The following SAMD5 variants were observed in gnomAD, a reference collection of about 807,000 sequenced individuals.
SAMD5 encodes sterile alpha motif domain-containing protein 5.
A neutral mutation model predicts 11.3 loss-of-function variants in SAMD5; 13 were observed. The observed-to-expected ratio is 1.15, with a 90% CI of 0.75 to 1.83. SAMD5 has a LOEUF of 1.83. Ranked by LOEUF, SAMD5 falls within the 40% of genes most tolerant of loss-of-function variation. The probability of loss-of-function intolerance (pLI) is 0.00; values close to 1 mark genes in which losing one functional copy is unlikely to be tolerated. For synonymous variants in SAMD5, 129 were observed against 111.3 expected (o/e 1.16, Z -1.00); for missense variants, 255 against 239.1 (o/e 1.07, Z -0.44).
rs1379124280 is a variant in SAMD5, at chr6:147,567,763, C to T, written c.*3307C>T. 18 of 985,218 alleles carry T rather than the reference C, an allele frequency of 1.8e-5. No individual in the cohort carries two copies. Among genetic ancestry groups the T allele is most frequent in the Non-Finnish European group, 2.2e-5 (18 of 829,922 alleles). The allele number at this position is 985,218 out of a possible 1,614,324, so 61.0% of individuals were successfully genotyped here. A position where few individuals can be genotyped will look rare whatever the true frequency, so the allele number is the denominator to read the frequency against. ...CATTTCCTTATCATTGCCTGAAACC[C>T]ACTGAATAAGTCCCCTTTGATTTCT... On this transcript the variant is annotated 3_prime_UTR_variant, in exon 2 of 2. Coordinates refer to ENST00000367474, the MANE Select transcript of SAMD5 (RefSeq NM_001030060.3).
At chr6:147,668,272 A>G (rs1490560376) in intron 1 of SAMD5, among the ~76,000 whole-genome samples, 2 of 152,192 alleles carry the variant, frequency 1.3e-5, no homozygotes, top group African/African-American at 4.8e-5. Flanking sequence ...TACTAGACAT[A>G]TTTATCTACA....
chr6:147,793,270 A>T, the SAMD5 span, among the ~76,000 whole-genome samples: 78 of 152,256 alleles, frequency 5.1e-4, 1 homozygote, highest in East Asian at 0.015. Flanking sequence ...CATGAGAAAA[A>T]CATCAGATAA....
At chr6:147,626,792 A>G (rs1458391401) in intron 1 of SAMD5, among the ~76,000 whole-genome samples, 4 of 35,188 alleles carry the variant, frequency 1.1e-4, no homozygotes, top group African/African-American at 3.9e-4. Flanking sequence ...TGTTTCTATG[A>G]AAAAAAAAAA....
the SAMD5 span, among the ~76,000 whole-genome samples, chr6:147,824,320 G>A: frequency 1.3e-5 from 2 of 152,154 alleles, no homozygotes; most frequent in African/African-American, 2.4e-5. Context: ...TAGCATCTTC[G>A]GGGAACTATG....
the SAMD5 span, among the ~76,000 whole-genome samples, chr6:147,768,012 ATT>A: frequency 6.6e-6 from 1 of 152,242 alleles, no homozygotes; most frequent in South Asian, 2.1e-4. Flanking sequence ...GTTATGAGCC[ATT>A]CACCATTACT....
At chr6:147,593,542 C>T (rs1329903759) in intron 1 of SAMD5, among the ~76,000 whole-genome samples, 1 of 152,148 alleles carries the variant, frequency 6.6e-6, no homozygotes, top group Non-Finnish European at 1.5e-5. Flanking sequence ...GTAACCAATG[C>T]CCCAGCTGTG....
the SAMD5 span, among the ~76,000 whole-genome samples, chr6:147,884,727 T>C: frequency 1.3e-5 from 2 of 152,228 alleles, no homozygotes; most frequent in African/African-American, 4.8e-5. Flanking sequence ...TTATTTTATA[T>C]TAGATGTGCT....
At chr6:147,829,045 A>G in the SAMD5 span, among the ~76,000 whole-genome samples, 1 of 152,204 alleles carries the variant, frequency 6.6e-6, no homozygotes, top group African/African-American at 2.4e-5. Context: ...TATAGTGAAC[A>G]CACATTTGTT....
chr6:147,885,562 A>G, the SAMD5 span, among the ~76,000 whole-genome samples: 1 of 152,212 alleles, frequency 6.6e-6, no homozygotes, highest in Admixed American at 6.5e-5. Flanking sequence ...AACATGTACC[A>G]TGAGGAAATA....
downstream of SAMD5, among the ~76,000 whole-genome samples, chr6:147,742,514 AATCAT>A: frequency 6.6e-6 from 1 of 152,340 alleles, no homozygotes; most frequent in South Asian, 2.1e-4. Flanking sequence ...GAAAACAAAA[AATCAT>A]ATCAGGAAAA....
Position 147,626,318 on chromosome 6 carries a change from T to C in SAMD5, c.163-110999T>C, listed in dbSNP as rs1045348603. Among the ~76,000 whole-genome samples the C allele has an allele frequency of 6.6e-5, 10 of 152,174 alleles. 1 individual carries two copies. The highest frequency in any genetic ancestry group is 2.4e-4 in the African/African-American group (10 of 41,518). On this transcript the variant is annotated intron_variant, in intron 1 of 1. Transcript: ENST00000566741. ...ATTGTTTTAGCTGTTAAAACAATTA[T>C]AGTCTAATATTTTCTTACTGCTAGA...
chr6:147,746,420 T>G, the SAMD5 span, among the ~76,000 whole-genome samples: 5 of 152,192 alleles, frequency 3.3e-5, no homozygotes, highest in African/African-American at 1.2e-4. Flanking sequence ...CACACACTCA[T>G]GCTAGATTAT....
At chr6:147,883,309 C>G in the SAMD5 span, among the ~76,000 whole-genome samples, 4 of 152,044 alleles carry the variant, frequency 2.6e-5, no homozygotes, top group African/African-American at 9.7e-5. Flanking sequence ...GATTAGTGTG[C>G]CATTTCTAAT....
the SAMD5 span, among the ~76,000 whole-genome samples, chr6:147,802,023 A>G: frequency 1.3e-5 from 2 of 152,318 alleles, no homozygotes; most frequent in Middle Eastern, 3.4e-3. Flanking sequence ...TTCCTAGGGC[A>G]TAGGATTTCT....
the SAMD5 span, among the ~76,000 whole-genome samples, chr6:147,886,773 A>G: frequency 1.3e-5 from 2 of 152,284 alleles, no homozygotes; most frequent in Admixed American, 6.5e-5. Flanking sequence ...TGGTAATTGG[A>G]AAGGGTCACA....
the SAMD5 span, among the ~76,000 whole-genome samples, chr6:147,764,438 A>G: frequency 1.3e-5 from 2 of 152,226 alleles, no homozygotes; most frequent in African/African-American, 4.8e-5. Flanking sequence ...CCTGAAATGC[A>G]GGATAATTAT....
the SAMD5 span, among the ~76,000 whole-genome samples, chr6:147,789,885 G>A: frequency 6.6e-6 from 1 of 152,186 alleles, no homozygotes; most frequent in African/African-American, 2.4e-5. Flanking sequence ...AGCTACAGCA[G>A]GGTACCACAA....
chr6:147,538,270 G>A (rs9403860), intron 1 of SAMD5, among the ~76,000 whole-genome samples: 6 of 152,086 alleles, frequency 3.9e-5, no homozygotes, highest in African/African-American at 7.2e-5. Context: ...TAAGATAAAC[G>A]CATTACAAAC....
chr6:147,515,176 GTTTTTTTTTTTTTTT>G (rs71031029), intron 1 of SAMD5, among the ~76,000 whole-genome samples: 2 of 75,018 alleles, frequency 2.7e-5, no homozygotes, highest in South Asian at 1.2e-3. Flanking sequence ...ATCCTTCCAG[GTTTTTTTTTTTTTTT>G]TTTTTTTTTT....
Sources: gnomAD v4.1 joint callset for allele counts (sites outside exome capture counted in the v4.1 genomes callset) on GRCh38, gnomAD v4.1.1 for gene constraint, MANE v1.5 for transcripts, NCBI Gene and HGNC (gene_info 2026-07-23, HGNC 2026-07-21) for gene names.